Variants in CEACAM1 observed in about 807,000 individuals in gnomAD.
CEACAM1 encodes CEA cell adhesion molecule 1.
A neutral mutation model predicts 49.1 loss-of-function variants in CEACAM1; 31 were observed. The ratio of observed to expected loss-of-function variants is 0.63; its 90% CI spans 0.47 to 0.85. The LOEUF is 0.85. CEACAM1 is among the 40% of genes least tolerant of loss of function. The pLI is 0.00. For missense variants in CEACAM1, 570 were observed against 645.3 expected (o/e 0.88, Z 1.26); for synonymous variants, 244 against 247.8 (o/e 0.98, Z 0.14).
intron 5 of CEACAM1, among the ~76,000 whole-genome samples, chr19:42,516,601 T>C (rs2041604541): frequency 6.6e-6 from 1 of 152,196 alleles, no homozygotes; most frequent in Non-Finnish European, 1.5e-5. Context: ...CAGTGCAATC[T>C]CTATCAAAAT....
At chr19:42,521,088 T>C in intron 4 of CEACAM1, 179 bp downstream of exon 4, 1 of 709,406 alleles carries the variant, frequency 1.4e-6, no homozygotes, top group Non-Finnish European at 2.4e-6. Context: ...CTGTGAGAAA[T>C]CAGAAAAACA....
At chr19:42,528,175 C>T (rs933477191) in intron 1 of CEACAM1, 136 bp downstream of exon 1, 7 of 660,724 alleles carry the variant, frequency 1.1e-5, no homozygotes, top group Non-Finnish European at 1.8e-5. Flanking sequence ...TGATCTCTAT[C>T]CCTTTCATGT....
intron 5 of CEACAM1, chr19:42,515,134 G>A (rs775925091): frequency 2.8e-5 from 17 of 607,594 alleles, no homozygotes; most frequent in Admixed American, 1.6e-4. Context: ...AAATTAGCCA[G>A]ATGTGGTAGT....
intron 2 of CEACAM1, among the ~76,000 whole-genome samples, chr19:42,522,806 G>A (rs375292574): frequency 1.3e-5 from 2 of 151,994 alleles, no homozygotes; most frequent in Non-Finnish European, 1.5e-5. Context: ...TGCCCGCCTC[G>A]GCCTCCCAAA....
rs1183542516 is a variant in CEACAM1 at position 42,521,916 on chromosome 19, A to C, written c.703+8T>G. The C allele has an allele frequency of 6.2e-7, 1 of 1,614,076 alleles. No homozygotes were observed. The highest frequency in any genetic ancestry group is 1.3e-5 in the African/African-American group (1 of 74,916). On this transcript the variant is annotated splice_region_variant and intron_variant, in intron 3 of 8. Transcript: ENST00000161559. ...AGCCTGGGCCACAGAGGAACAGAAG[A>C]TACTCACAGGTGACATTCAAGGTGA...
chr19:42,515,180 T>C (rs2041569491), intron 5 of CEACAM1: 1 of 534,294 alleles, frequency 1.9e-6, no homozygotes, highest in South Asian at 2.5e-5. Flanking sequence ...AGGGAATTGC[T>C]TGAGCCCAGG....
At chr19:42,516,234 T>A (rs186890201) in intron 5 of CEACAM1, among the ~76,000 whole-genome samples, 68 of 152,254 alleles carry the variant, frequency 4.5e-4, no homozygotes, top group Non-Finnish European at 8.2e-4. Context: ...AAATTATACC[T>A]GTTTGCAGAA....
In CEACAM1 at chr19:42,521,259, T is replaced by C; in HGVS notation, c.958+8A>G. On this transcript the variant is annotated splice_region_variant and intron_variant, in intron 4 of 8. Coordinates refer to ENST00000161559, the MANE Select transcript of CEACAM1 (RefSeq NM_001712.5). ...GATCTTAGTGTTGATGCTCCAGGAA[T>C]TACTTACCAGTGACTATGATCGTCT... 1 of 1,613,200 alleles carries C rather than the reference T, an allele frequency of 6.2e-7. No individual in the cohort carries two copies.
chr19:42,526,857 G>A (rs1438523655), intron 2 of CEACAM1, among the ~76,000 whole-genome samples, 184 bp downstream of exon 2: 1 of 152,126 alleles, frequency 6.6e-6, no homozygotes, highest in East Asian at 1.9e-4. Context: ...GCAGGATCAG[G>A]ACTCCAGAGT....
At chr19:42,510,942 T>G in intron 7 of CEACAM1, 22 bp from the exon 8 acceptor site, 1 of 1,613,280 alleles carries the variant, frequency 6.2e-7, no homozygotes, top group South Asian at 1.1e-5. Flanking sequence ...AAAGAAGAGT[T>G]AGCGATCCAT....
intron 5 of CEACAM1, among the ~76,000 whole-genome samples, chr19:42,516,562 A>G (rs2041603625): frequency 1.3e-5 from 2 of 152,216 alleles, no homozygotes; most frequent in Admixed American, 1.3e-4. Context: ...TGTTAAGATG[A>G]CAGTACTACC....
Position 42,521,159 on chromosome 19 carries a change from G to A in CEACAM1, c.958+108C>T, listed in dbSNP as rs372629899. On this transcript the variant is annotated intron_variant, in intron 4 of 8. Coordinates refer to ENST00000161559, the MANE Select transcript of CEACAM1 (RefSeq NM_001712.5). ...TTCAGGGGAGAATTTGGACTTGTTT[G>A]TGCCTGTTGGATACAGGCTGCAAAA... 55 of 1,215,904 alleles carry A rather than the reference G, an allele frequency of 4.5e-5. No individual in the cohort carries two copies. In the African/African-American group the frequency reaches 5.4e-4, roughly 12 times the overall value. 75.3% of individuals were successfully genotyped at this position (1,215,904 alleles called of 1,614,324 possible).
chr19:42,515,300 T>C (rs1321089174), intron 5 of CEACAM1, among the ~76,000 whole-genome samples: 1 of 152,088 alleles, frequency 6.6e-6, no homozygotes, highest in East Asian at 1.9e-4. Flanking sequence ...TGCAATACTA[T>C]GGAGCAGGCA....
chr19:42,521,042 C>T, intron 4 of CEACAM1: 1 of 535,778 alleles, frequency 1.9e-6, no homozygotes, highest in Non-Finnish European at 3.3e-6. Flanking sequence ...GCTGAGAGAA[C>T]CCCCTCCCCA....
intron 8 of CEACAM1, among the ~76,000 whole-genome samples, 157 bp from the exon 9 acceptor site, chr19:42,509,385 A>C (rs138832316): frequency 1.6e-4 from 25 of 152,308 alleles, no homozygotes; most frequent in African/African-American, 6.0e-4. Flanking sequence ...TGACCTCCTG[A>C]TGAATGATCA....
intron 2 of CEACAM1, 109 bp downstream of exon 2, chr19:42,526,932 A>T: frequency 6.6e-7 from 1 of 1,515,330 alleles, no homozygotes; most frequent in Non-Finnish European, 8.9e-7. Flanking sequence ...AAACCTTAAC[A>T]TGGGGTATAA....
intron 3 of CEACAM1, 71 bp downstream of exon 3, chr19:42,521,853 G>C: frequency 6.2e-7 from 1 of 1,608,972 alleles, no homozygotes; most frequent in Non-Finnish European, 8.5e-7. Context: ...GAGAGGGACT[G>C]AGAGGCCTGG....
Position 42,527,510 on chromosome 19 carries a change from TGTG to T in CEACAM1, c.65-113_65-111del, listed in dbSNP as rs1568668562. 8.5e-5 allele frequency: 55 copies of T among 643,552 alleles called. No individual in the cohort carries two copies. In the African/African-American group the frequency reaches 1.0e-3, roughly 12 times the overall value. The allele number at this position is 643,552 out of a possible 1,614,324, so 39.9% of individuals were successfully genotyped here. ...CTTCACCCCTCCACCTTGGAGTGTG[TGTG>T]TGTGTGTGTGTGTGTGTGTGTGTGT... On this transcript the variant is annotated intron_variant, in intron 1 of 8. Transcript: ENST00000161559.
chr19:42,511,438 C>T (rs1238982293), intron 7 of CEACAM1, 138 bp downstream of exon 7: 2 of 759,076 alleles, frequency 2.6e-6, no homozygotes, highest in Non-Finnish European at 4.6e-6. Context: ...ACCTATGCCA[C>T]CTTAGGGTTG....
Sources: allele counts gnomAD v4.1 joint callset (sites outside exome capture counted in the v4.1 genomes callset), GRCh38; gene constraint gnomAD v4.1.1; transcripts MANE v1.5; gene names NCBI Gene and HGNC (gene_info 2026-07-23, HGNC 2026-07-21).